The following MCTP1 variants were observed in gnomAD, a reference collection of about 807,000 sequenced individuals.
The protein encoded by MCTP1 is multiple C2 and transmembrane domain containing 1, also known as multiple C2 and transmembrane domain-containing protein 1.
MCTP1 carries 69 observed loss-of-function variants against 120.6 expected under a neutral mutation model. That is an observed-to-expected ratio of 0.57 (90% CI 0.47 to 0.70). The LOEUF is 0.70. MCTP1 is among the 30% of genes least tolerant of loss of function. MCTP1 has a pLI of 0.00. For missense variants in MCTP1, 1,203 were observed against 1,248.8 expected (o/e 0.96, Z 0.55); for synonymous variants, 529 against 493.1 (o/e 1.07, Z -0.96).
intron 19 of MCTP1, among the ~76,000 whole-genome samples, chr5:94,736,760 T>A (rs1001734803): frequency 6.6e-6 from 1 of 152,038 alleles, no homozygotes; most frequent in Non-Finnish European, 1.5e-5. Flanking sequence ...TTTCAGGAGG[T>A]AATAGAGGTA....
chr5:94,769,701 T>C (rs1417418900), intron 19 of MCTP1, among the ~76,000 whole-genome samples: 1 of 152,200 alleles, frequency 6.6e-6, no homozygotes, highest in Non-Finnish European at 1.5e-5. Flanking sequence ...TTTTTCTTTA[T>C]ATAAAAACAG....
intron 2 of MCTP1, among the ~76,000 whole-genome samples, chr5:94,965,954 G>A (rs1287497115): frequency 2.0e-5 from 3 of 152,096 alleles, no homozygotes; most frequent in African/African-American, 4.8e-5. Context: ...ACACCAAACC[G>A]GCCGGTGCTT....
intron 4 of MCTP1, among the ~76,000 whole-genome samples, chr5:94,940,608 A>G (rs189684252): frequency 6.8e-6 from 1 of 146,394 alleles, no homozygotes; most frequent in African/African-American, 2.5e-5. Context: ...ACACATATAC[A>G]TATATATGTG....
chr5:94,930,649 T>C (rs1814437108), intron 6 of MCTP1: 1 of 152,198 alleles, frequency 6.6e-6, no homozygotes, highest in African/African-American at 2.4e-5. Flanking sequence ...TATTATATAA[T>C]ATCCTGCTCT....
intron 10 of MCTP1, among the ~76,000 whole-genome samples, chr5:94,897,597 T>C (rs1460558423): frequency 1.3e-5 from 2 of 152,174 alleles, no homozygotes; most frequent in Non-Finnish European, 2.9e-5. Context: ...ACTCCTGACC[T>C]CAAATGATCC....
At chr5:95,154,036 T>G (rs1744823732) in intron 1 of MCTP1, among the ~76,000 whole-genome samples, 1 of 152,208 alleles carries the variant, frequency 6.6e-6, no homozygotes, top group Non-Finnish European at 1.5e-5. Context: ...AAATATTCCT[T>G]TATGATAAAA....
At chr5:95,098,676 C>T (rs916256938) in intron 1 of MCTP1, among the ~76,000 whole-genome samples, 8 of 151,440 alleles carry the variant, frequency 5.3e-5, no homozygotes, top group Non-Finnish European at 1.0e-4. Flanking sequence ...GAATCAATAT[C>T]GTGAAAATGG....
intron 19 of MCTP1, among the ~76,000 whole-genome samples, chr5:94,758,111 GGAAAA>G (rs1182454115): frequency 6.6e-6 from 1 of 152,078 alleles, no homozygotes; most frequent in African/African-American, 2.4e-5. Flanking sequence ...AGCAACTGAA[GGAAAA>G]GAAAACTCAC....
chr5:94,889,809 T>C lies in MCTP1; in HGVS notation c.1840-837A>G, dbSNP rs567166845. ...CCCTCTATGTGGATAATTGTTGCTATATAAGTAGATTTTCTGAAAGAATAA... is the reference window on the plus strand; with the variant it reads ...CCCTCTATGTGGATAATTGTTGCTACATAAGTAGATTTTCTGAAAGAATAA... On this transcript the variant is annotated intron_variant, in intron 11 of 22. Transcript: ENST00000515393. 5.3e-5 allele frequency among the ~76,000 whole-genome samples: 8 copies of C among 151,584 alleles called. No individual in the cohort carries two copies. In the South Asian group the frequency reaches 1.7e-3, roughly 32 times the overall value.
At chr5:95,185,074 CCT>C (rs1749053283) in intron 1 of MCTP1, among the ~76,000 whole-genome samples, 2 of 152,134 alleles carry the variant, frequency 1.3e-5, no homozygotes, top group African/African-American at 2.4e-5. Context: ...TTACAGTTCC[CCT>C]GTCTTAAGAA....
At chr5:95,113,711 C>T (rs1286286240) in intron 1 of MCTP1, among the ~76,000 whole-genome samples, 1 of 152,110 alleles carries the variant, frequency 6.6e-6, no homozygotes, top group African/African-American at 2.4e-5. Context: ...CATTGTAGGC[C>T]ACAAGAACTA....
intron 2 of MCTP1, among the ~76,000 whole-genome samples, chr5:94,977,671 A>AACTG (rs1406483252): frequency 6.6e-6 from 1 of 152,148 alleles, no homozygotes; most frequent in Non-Finnish European, 1.5e-5. Flanking sequence ...CTGTATGGTA[A>AACTG]ACTGACCTTC....
chr5:95,207,016 C>T (rs1175130419), intron 1 of MCTP1, among the ~76,000 whole-genome samples: 3 of 152,002 alleles, frequency 2.0e-5, no homozygotes, highest in Non-Finnish European at 4.4e-5. Flanking sequence ...TATATCCATC[C>T]AATAGATCAA....
chr5:95,170,105 G>A (rs1747041239), intron 1 of MCTP1, among the ~76,000 whole-genome samples: 1 of 152,132 alleles, frequency 6.6e-6, no homozygotes, highest in Non-Finnish European at 1.5e-5. Context: ...ATTCTGGTAT[G>A]TTGTGTCTTT....
At chr5:94,872,624 T>C (rs950683977) in intron 13 of MCTP1, among the ~76,000 whole-genome samples, 2 of 151,742 alleles carry the variant, frequency 1.3e-5, no homozygotes, top group Non-Finnish European at 2.9e-5. Context: ...ACTGAAAAGG[T>C]TTACAAACTT....
intron 7 of MCTP1, among the ~76,000 whole-genome samples, chr5:94,918,753 C>T (rs1399257756): frequency 1.3e-5 from 2 of 152,136 alleles, no homozygotes; most frequent in African/African-American, 4.8e-5. Context: ...TGGATTAGGG[C>T]AGTCAGAAAG....
intron 17 of MCTP1, among the ~76,000 whole-genome samples, chr5:94,836,064 C>T (rs1018791381): frequency 2.0e-5 from 3 of 151,214 alleles, no homozygotes; most frequent in East Asian, 2.0e-4. Context: ...CCTATAGTCC[C>T]AGCTACTTGG....
intron 10 of MCTP1, among the ~76,000 whole-genome samples, chr5:94,907,150 C>T (rs1427995342): frequency 3.3e-5 from 5 of 152,114 alleles, no homozygotes; most frequent in South Asian, 2.1e-4. Context: ...TGCTTTTCAG[C>T]GGCAAGATGC....
intron 1 of MCTP1, among the ~76,000 whole-genome samples, chr5:95,280,791 A>T (rs1325449707): frequency 6.6e-6 from 1 of 152,232 alleles, no homozygotes; most frequent in East Asian, 1.9e-4. Context: ...CAGCAGGCAC[A>T]TGGAAAGTAG....
Sources: allele counts gnomAD v4.1 joint callset (sites outside exome capture counted in the v4.1 genomes callset), GRCh38; gene constraint gnomAD v4.1.1; transcripts MANE v1.5; gene names NCBI Gene and HGNC (gene_info 2026-07-23, HGNC 2026-07-21).